Variants in DRC8 observed in about 807,000 individuals in gnomAD.
DRC8 encodes the protein dynein regulatory complex protein 8.
the DRC8 span, among the ~76,000 whole-genome samples, chr1:245,005,839 T>C: frequency 3.3e-5 from 5 of 152,158 alleles, no homozygotes; most frequent in African/African-American, 1.2e-4. Flanking sequence ...CTTCAAAAGG[T>C]CAGTTACTCT....
At chr1:245,121,798 C>T in the DRC8 span, 31 of 374,274 alleles carry the variant, frequency 8.3e-5, no homozygotes, top group Middle Eastern at 4.7e-3. Context: ...GGCTCCTCTA[C>T]TGAAAATTCC....
At chr1:245,079,452 G>T in the DRC8 span, among the ~76,000 whole-genome samples, 2 of 152,202 alleles carry the variant, frequency 1.3e-5, no homozygotes, top group Admixed American at 6.5e-5. Context: ...TATTAGGCAA[G>T]AAAGATCTGC....
chr1:245,089,274 A>G, the DRC8 span, among the ~76,000 whole-genome samples: 1 of 152,184 alleles, frequency 6.6e-6, no homozygotes, highest in South Asian at 2.1e-4. The surrounding 1 kb of genome is among the most constrained non-coding windows in gnomAD (Gnocchi z 4.8). Flanking sequence ...GTGACATTCA[A>G]TAATCAATTG....
the DRC8 span, among the ~76,000 whole-genome samples, chr1:245,120,278 C>T: frequency 3.3e-5 from 5 of 152,286 alleles, no homozygotes; most frequent in Middle Eastern, 3.4e-3. Flanking sequence ...GCGCCCTTCA[C>T]GCATCTCTAC....
the DRC8 span, among the ~76,000 whole-genome samples, chr1:245,106,096 G>A: frequency 3.3e-5 from 5 of 152,192 alleles, no homozygotes; most frequent in Non-Finnish European, 5.9e-5. Context: ...TTTTACTTTC[G>A]TAAGTGTGTG....
chr1:245,007,510 G>T, the DRC8 span, among the ~76,000 whole-genome samples: 2 of 152,188 alleles, frequency 1.3e-5, no homozygotes, highest in African/African-American at 2.4e-5. Context: ...ATATGCTGAA[G>T]TATTTAGGGA....
At chr1:245,124,336 T>C in the DRC8 span, 1 of 152,264 alleles carries the variant, frequency 6.6e-6, no homozygotes, top group South Asian at 2.1e-4. Context: ...CACCGCAGCT[T>C]GCTGACAGTG....
At chr1:245,083,634 G>A in the DRC8 span, 2 of 1,609,618 alleles carry the variant, frequency 1.2e-6, no homozygotes, top group Admixed American at 1.7e-5. Flanking sequence ...TTTAGATTCA[G>A]CTAAACGTGG....
At chr1:244,980,088 A>C in the DRC8 span, among the ~76,000 whole-genome samples, 3 of 129,994 alleles carry the variant, frequency 2.3e-5, no homozygotes, top group Non-Finnish European at 3.2e-5. Context: ...GCGTGGTGGC[A>C]GGTGCCTGTA....
At chr1:245,050,883 A>AT in the DRC8 span, among the ~76,000 whole-genome samples, 1 of 151,252 alleles carries the variant, frequency 6.6e-6, no homozygotes, top group African/African-American at 2.4e-5. Flanking sequence ...GAAATATTTT[A>AT]TTTTTTTACT....
the DRC8 span, among the ~76,000 whole-genome samples, chr1:244,986,236 T>C: frequency 1.3e-5 from 2 of 152,182 alleles, no homozygotes; most frequent in Admixed American, 1.3e-4. Flanking sequence ...ATTACAGGCA[T>C]GAGCCACCAT....
chr1:245,029,324 G>C, the DRC8 span, among the ~76,000 whole-genome samples: 1 of 152,196 alleles, frequency 6.6e-6, no homozygotes, highest in Admixed American at 6.5e-5. Context: ...TTGAGATGGA[G>C]CCTCACTCTG....
At chr1:245,123,392 A>AC in the DRC8 span, 1 of 152,580 alleles carries the variant, frequency 6.6e-6, no homozygotes, top group South Asian at 2.1e-4. The surrounding 1 kb of genome is among the most constrained non-coding windows in gnomAD (Gnocchi z 5.0). Context: ...AGGCCATACT[A>AC]CACTTGCTAG....
chr1:245,022,204 G>A, the DRC8 span, among the ~76,000 whole-genome samples: 189 of 150,810 alleles, frequency 1.3e-3, 1 homozygote, highest in African/African-American at 4.3e-3. Context: ...GGAGCGCAGT[G>A]GAGTGATCTC....
At chr1:245,090,189 G>A in the DRC8 span, among the ~76,000 whole-genome samples, 1 of 152,186 alleles carries the variant, frequency 6.6e-6, no homozygotes, top group Admixed American at 6.5e-5. Flanking sequence ...TGGGGCTAAC[G>A]CATGAGGGAA....
chr1:244,984,331 AT>A, the DRC8 span, among the ~76,000 whole-genome samples: 24 of 152,228 alleles, frequency 1.6e-4, no homozygotes, highest in South Asian at 2.1e-4. Flanking sequence ...AGATTTGCTT[AT>A]TGTCTCTCTA....
chr1:244,979,327 C>T, the DRC8 span, among the ~76,000 whole-genome samples: 12 of 93,720 alleles, frequency 1.3e-4, no homozygotes, highest in East Asian at 3.1e-3. Context: ...TTTTTTGAGA[C>T]GTAGTCTTGC....
chr1:244,973,316 C>G, the DRC8 span, among the ~76,000 whole-genome samples: 2 of 152,106 alleles, frequency 1.3e-5, no homozygotes, highest in Admixed American at 1.3e-4. Flanking sequence ...TGGAATCACA[C>G]AAAAGAAAGG....
the DRC8 span, among the ~76,000 whole-genome samples, chr1:244,997,810 G>T: frequency 3.9e-5 from 6 of 152,234 alleles, no homozygotes; most frequent in South Asian, 2.1e-4. Context: ...CTCCCAAAGT[G>T]CTGGGGTTAC....
Sources: allele counts gnomAD v4.1 joint callset (sites outside exome capture counted in the v4.1 genomes callset), GRCh38; gene constraint gnomAD v4.1.1; non-coding constraint Gnocchi (gnomAD v3.1); transcripts MANE v1.5; gene names NCBI Gene and HGNC (gene_info 2026-07-23, HGNC 2026-07-21).